The following SCAND3 variants were observed in gnomAD, a reference collection of about 807,000 sequenced individuals.
SCAND3 encodes SCAN domain-containing protein 3.
chr6:28,581,528 T>G, the SCAND3 span, among the ~76,000 whole-genome samples: 1 of 152,230 alleles, frequency 6.6e-6, no homozygotes, highest in East Asian at 1.9e-4. Context: ...TGGCACCAAC[T>G]CATTTATCTA....
chr6:28,589,739 A>G, the SCAND3 span: 1 of 152,106 alleles, frequency 6.6e-6, no homozygotes, highest in Non-Finnish European at 1.5e-5. Context: ...GATGGAGACA[A>G]ACGCTTCCTC....
the SCAND3 span, among the ~76,000 whole-genome samples, chr6:28,609,962 A>G: frequency 1.3e-5 from 2 of 152,202 alleles, no homozygotes; most frequent in African/African-American, 2.4e-5. Context: ...AAGTTGGCAC[A>G]TGCCTGGAAT....
At chr6:28,591,480 C>T in the SCAND3 span, 5 of 152,200 alleles carry the variant, frequency 3.3e-5, 1 homozygote, top group Admixed American at 6.5e-5. Flanking sequence ...AGCCCAATTT[C>T]AGCAAATAAT....
chr6:28,591,605 C>T, the SCAND3 span: 25 of 152,146 alleles, frequency 1.6e-4, no homozygotes, highest in African/African-American at 5.6e-4. Flanking sequence ...TCAAGTTCCT[C>T]GTAGTCACTT....
the SCAND3 span, chr6:28,589,362 A>C: frequency 6.6e-6 from 1 of 152,116 alleles, no homozygotes; most frequent in South Asian, 2.1e-4. Context: ...ATACTTACCT[A>C]CTGTACCCTT....
chr6:28,603,853 G>A, the SCAND3 span, among the ~76,000 whole-genome samples: 2 of 152,188 alleles, frequency 1.3e-5, no homozygotes, highest in African/African-American at 4.8e-5. Context: ...TTCAATGTGA[G>A]TTGGCAGGTC....
At chr6:28,613,967 C>CTT in the SCAND3 span, among the ~76,000 whole-genome samples, 22 of 143,348 alleles carry the variant, frequency 1.5e-4, no homozygotes, top group African/African-American at 4.8e-4. Context: ...CTTTTCTTTT[C>CTT]TTTTTTTTTT....
chr6:28,604,477 G>A, the SCAND3 span, among the ~76,000 whole-genome samples: 3 of 151,976 alleles, frequency 2.0e-5, no homozygotes, highest in Non-Finnish European at 4.4e-5. Context: ...TTAGCTGGGC[G>A]TGGTGGCACA....
the SCAND3 span, among the ~76,000 whole-genome samples, chr6:28,613,481 T>C: frequency 6.6e-6 from 1 of 152,224 alleles, no homozygotes; most frequent in Non-Finnish European, 1.5e-5. Flanking sequence ...CATGTAACAA[T>C]GGTTATAATC....
the SCAND3 span, chr6:28,591,808 G>C: frequency 6.6e-6 from 1 of 151,998 alleles, no homozygotes; most frequent in Non-Finnish European, 1.5e-5. Context: ...GCATATCCTG[G>C]GAAAACTTCT....
the SCAND3 span, among the ~76,000 whole-genome samples, chr6:28,582,719 G>C: frequency 2.0e-5 from 3 of 151,840 alleles, no homozygotes; most frequent in African/African-American, 7.3e-5. The surrounding 1 kb of genome is among the most constrained non-coding windows in gnomAD (Gnocchi z 4.8). Flanking sequence ...TCAAGAGATC[G>C]AGACCATCCT....
the SCAND3 span, among the ~76,000 whole-genome samples, chr6:28,577,835 C>A: frequency 6.6e-6 from 1 of 152,146 alleles, no homozygotes; most frequent in African/African-American, 2.4e-5. Flanking sequence ...AATTGCAAAT[C>A]AAAAAATCTT....
At chr6:28,574,472 T>C in the SCAND3 span, among the ~76,000 whole-genome samples, 2 of 152,186 alleles carry the variant, frequency 1.3e-5, no homozygotes, top group African/African-American at 4.8e-5. Flanking sequence ...TACAAATACT[T>C]CTTCACTTGA....
chr6:28,612,157 T>A, the SCAND3 span, among the ~76,000 whole-genome samples: 2 of 152,022 alleles, frequency 1.3e-5, no homozygotes, highest in Non-Finnish European at 2.9e-5. Context: ...CTGAGTAGCA[T>A]CCTGAGTAGC....
the SCAND3 span, among the ~76,000 whole-genome samples, chr6:28,596,843 C>G: frequency 6.6e-6 from 1 of 152,032 alleles, no homozygotes; most frequent in African/African-American, 2.4e-5. Flanking sequence ...TGGGGGAGGG[C>G]AGTTTAAAGT....
the SCAND3 span, chr6:28,587,018 G>A: frequency 7.9e-6 from 3 of 382,080 alleles, no homozygotes; most frequent in South Asian, 1.7e-4. Context: ...TTGCGAGACA[G>A]AAAACCGAGG....
chr6:28,587,698 T>C, the SCAND3 span: 1 of 152,234 alleles, frequency 6.6e-6, no homozygotes, highest in Non-Finnish European at 1.5e-5. Context: ...ACTTTCACCT[T>C]TCCCTTTCAC....
At chr6:28,614,853 C>A in the SCAND3 span, among the ~76,000 whole-genome samples, 1 of 152,204 alleles carries the variant, frequency 6.6e-6, no homozygotes, top group Non-Finnish European at 1.5e-5. Flanking sequence ...AGCCTAGAAC[C>A]CTTCCCATCT....
chr6:28,580,821 C>T, the SCAND3 span, among the ~76,000 whole-genome samples: 1 of 123,852 alleles, frequency 8.1e-6, no homozygotes, highest in Non-Finnish European at 1.6e-5. Flanking sequence ...AGCACAAACA[C>T]AAATCTAGTC....
Sources: gnomAD v4.1 joint callset for allele counts (sites outside exome capture counted in the v4.1 genomes callset) on GRCh38, gnomAD v4.1.1 for gene constraint, Gnocchi (gnomAD v3.1) non-coding constraint, MANE v1.5 for transcripts, NCBI Gene and HGNC (gene_info 2026-07-23, HGNC 2026-07-21) for gene names.